Variants in TTC12 observed in about 807,000 individuals in gnomAD.
The protein encoded by TTC12 is tetratricopeptide repeat protein 12.
TTC12 carries 70 observed loss-of-function variants against 90.1 expected under a neutral mutation model. The observed-to-expected ratio is 0.78, with a 90% CI of 0.64 to 0.95. The LOEUF is 0.95. Among genes scored for constraint, TTC12 ranks in the 40% least tolerant of loss-of-function variants. The pLI is 0.00. For missense variants in TTC12, 819 were observed against 846.1 expected (o/e 0.97, Z 0.40); for synonymous variants, 296 against 311.5 (o/e 0.95, Z 0.53).
intron 13 of TTC12, among the ~76,000 whole-genome samples, chr11:113,348,790 A>G (rs1949108713): frequency 6.6e-6 from 1 of 152,154 alleles, no homozygotes; most frequent in Non-Finnish European, 1.5e-5. Context: ...ATTGGAGAAC[A>G]GGGGCCAACA....
chr11:113,319,395 A>G (rs1242008632), intron 2 of TTC12, among the ~76,000 whole-genome samples: 3 of 152,152 alleles, frequency 2.0e-5, no homozygotes, highest in Admixed American at 2.0e-4. Context: ...GAATAGGAAA[A>G]GGGCATTAGG....
chr11:113,327,490 G>A (rs1947763705), intron 6 of TTC12, among the ~76,000 whole-genome samples: 1 of 152,200 alleles, frequency 6.6e-6, no homozygotes, highest in Non-Finnish European at 1.5e-5. Flanking sequence ...TTCCCCTGGA[G>A]TTAATGTTAT....
intron 2 of TTC12, among the ~76,000 whole-genome samples, chr11:113,320,425 G>A (rs1428745137): frequency 3.9e-5 from 6 of 152,112 alleles, no homozygotes; most frequent in Non-Finnish European, 8.8e-5. Flanking sequence ...TCTGAACGCC[G>A]AGAGGAGTTT....
Position 113,336,362 on chromosome 11 carries a change from G to A in TTC12, c.576+1325G>A, listed in dbSNP as rs79176490. Among the ~76,000 whole-genome samples, 1,504 of 151,836 alleles carry A rather than the reference G, an allele frequency of 9.9e-3. 28 individuals carry two copies. Among genetic ancestry groups the A allele is most frequent in the African/African-American group, 0.035 (1,432 of 41,354 alleles). ...TCATTTTCTTGATGATGTTCTTTGCGGCACAAAAATGTTTAAGTTTGATAA... is the reference window on the plus strand; with the variant it reads ...TCATTTTCTTGATGATGTTCTTTGCAGCACAAAAATGTTTAAGTTTGATAA... On this transcript the variant is annotated intron_variant, in intron 8 of 21. Transcript: ENST00000529221.
chr11:113,319,341 G>A (rs1361502261), intron 2 of TTC12, among the ~76,000 whole-genome samples: 4 of 152,106 alleles, frequency 2.6e-5, no homozygotes, highest in South Asian at 4.1e-4. Context: ...AGAAGCCTAA[G>A]GAGACATGAC....
intron 2 of TTC12, among the ~76,000 whole-genome samples, chr11:113,319,251 C>A (rs1947139772): frequency 1.3e-5 from 2 of 152,062 alleles, no homozygotes; most frequent in Admixed American, 1.3e-4. Context: ...GTATTCTATG[C>A]AAACTCATAG....
In TTC12 at chr11:113,345,871, AT is replaced by A. The variant is rs1386578057; in HGVS notation, c.1154+1436del. Reference sequence around the variant, plus strand: ...TTGAATTGCTTGAGCTTCAATGTGCATTTTTCCAGTGTCTCGGAGAGTGGCG... The same window carrying A: ...TTGAATTGCTTGAGCTTCAATGTGCATTTTCCAGTGTCTCGGAGAGTGGCG... On this transcript the variant is annotated intron_variant, in intron 13 of 21. Coordinates refer to ENST00000529221, the MANE Select transcript of TTC12 (RefSeq NM_017868.4). Among the ~76,000 whole-genome samples the A allele has an allele frequency of 7.3e-5, 11 of 151,090 alleles. No homozygotes were observed. The East Asian group carries it at 2.1e-3, about 29-fold the overall frequency.
rs181267327 is a variant in TTC12, at chr11:113,325,582, G to A, written c.381G>A (p.Leu127=). The change falls in exon 6 of 22, where the codon CTG becomes CTA. Residue 127 remains leucine, a synonymous_variant. Coordinates refer to ENST00000529221, the MANE Select transcript of TTC12 (RefSeq NM_017868.4). The stretch of plus-strand genomic sequence containing the variant: ...AAGGCAATTATGAAACAGCTATCCT[G>A]CGCTACAGTGAGGGTTTGGAGAAGC... ...FAEGNYETAI[L]RYSEGLEKLK... is the part of the protein sequence containing the mutation. The A allele has an allele frequency of 3.0e-5, 49 of 1,614,010 alleles. No individual in the cohort carries two copies. Among genetic ancestry groups the A allele is most frequent in the Admixed American group, 1.7e-4 (10 of 60,022 alleles).
chr11:113,314,948 C>T (rs1946834255), intron 1 of TTC12: 1 of 151,740 alleles, frequency 6.6e-6, no homozygotes, highest in Non-Finnish European at 1.5e-5. Flanking sequence ...TTCGCCATCA[C>T]CTGGCTCTGG....
rs782147460 is a variant in TTC12, at chr11:113,324,031, C to T, written c.244+16C>T. On this transcript the variant is annotated intron_variant, in intron 4 of 21. Transcript: ENST00000529221. Reference sequence around the variant, plus strand: ...ATAAACTCAGGTAAGGACAGCATCTCTCTTCCCAATTTTCATTCTTTATAT... The same window carrying T: ...ATAAACTCAGGTAAGGACAGCATCTTTCTTCCCAATTTTCATTCTTTATAT... The T allele has an allele frequency of 6.2e-7, 1 of 1,605,636 alleles. No homozygotes were observed. The highest frequency in any genetic ancestry group is 8.5e-7 in the Non-Finnish European group (1 of 1,172,800).
chr11:113,351,633 A>G (rs1353077593), intron 15 of TTC12, among the ~76,000 whole-genome samples: 1 of 152,240 alleles, frequency 6.6e-6, no homozygotes, highest in African/African-American at 2.4e-5. Flanking sequence ...TCATCCTGTC[A>G]GGAAGACCAG....
In TTC12 at chr11:113,341,865, G is replaced by A. The variant is rs782067192; in HGVS notation, c.925G>A (p.Val309Ile). 3.7e-6 allele frequency: 6 copies of A among 1,614,148 alleles called. No individual in the cohort carries two copies. In the South Asian group the frequency reaches 5.5e-5, roughly 15 times the overall value. The part of the protein sequence containing the change: ...RCFSTAGNDA[V>I]EEMVCVSVLK... ...TTTTTCCACAGCAGGAAATGATGCA[G>A]TTGAAGAAATGGTCTGTGTGTCTGT... Residue 309 changes from valine to isoleucine, a missense_variant, in exon 12 of 22, where the codon GTT becomes ATT. Val to Ile is a conservative substitution (Grantham distance 29). Coordinates refer to ENST00000529221, the MANE Select transcript of TTC12 (RefSeq NM_017868.4).
chr11:113,316,292 T>G lies in TTC12; in HGVS notation c.35T>G (p.Phe12Cys). 1 of 1,470,356 alleles carries G rather than the reference T, an allele frequency of 6.8e-7. No individual in the cohort carries two copies. 91.1% of individuals were successfully genotyped at this position (1,470,356 alleles called of 1,614,324 possible). A position where few individuals can be genotyped will look rare whatever the true frequency, so the allele number is the denominator to read the frequency against. ...GATAAAGAGAAAGATTTGCAGAAAT[T>G]TCTTAAAAATGTGGATGAAATCTGT... ...DADKEKDLQK[F>C]LKNVDEISNL... Residue 12 changes from phenylalanine (F) to cysteine (C), a missense_variant, in exon 2 of 22, where the codon TTT (phenylalanine) becomes TGT (cysteine). Physicochemically the swap from Phe to Cys is radical, Grantham distance 205. Transcript: ENST00000529221.
At chr11:113,339,199 CAAAA>C (rs1555145116) in intron 9 of TTC12, 83 bp from the exon 10 acceptor site, 2 of 1,182,646 alleles carry the variant, frequency 1.7e-6, no homozygotes, top group East Asian at 2.4e-5. Context: ...CTCCCATCCT[CAAAA>C]GAAAGGAAAA....
intron 4 of TTC12, 34 bp downstream of exon 4, chr11:113,324,049 C>G (rs1947528006): frequency 1.3e-6 from 2 of 1,579,084 alleles, no homozygotes; most frequent in African/African-American, 1.3e-5. Context: ...AATTTTCATT[C>G]TTTATATAGG....
downstream of TTC12, among the ~76,000 whole-genome samples, chr11:113,367,497 G>A (rs1038047520): frequency 5.3e-5 from 8 of 152,160 alleles, no homozygotes; most frequent in African/African-American, 9.7e-5. Flanking sequence ...CAACTATGAC[G>A]TCATTTGGGT....
intron 18 of TTC12, among the ~76,000 whole-genome samples, chr11:113,360,771 C>A (rs1949883790): frequency 1.3e-5 from 2 of 152,292 alleles, no homozygotes; most frequent in African/African-American, 4.8e-5. Context: ...GGACTGCCTC[C>A]ACAGTTTAAA....
intron 5 of TTC12, 104 bp from the exon 6 acceptor site, chr11:113,325,420 G>A (rs1947623151): frequency 1.5e-6 from 2 of 1,368,770 alleles, no homozygotes; most frequent in South Asian, 1.3e-5. Flanking sequence ...AGGATCGATA[G>A]AAGTGAAGAC....
downstream of TTC12, chr11:113,368,803 T>C: frequency 2.4e-6 from 1 of 425,354 alleles, no homozygotes; most frequent in Non-Finnish European, 4.2e-6. Context: ...CTAAGAAGTA[T>C]TAGGTTGGTG....
Sources: allele counts gnomAD v4.1 joint callset (sites outside exome capture counted in the v4.1 genomes callset), GRCh38; gene constraint gnomAD v4.1.1; transcripts MANE v1.5; gene names NCBI Gene and HGNC (gene_info 2026-07-23, HGNC 2026-07-21).